The following TSKS variants were observed in gnomAD, a reference collection of about 807,000 sequenced individuals.
TSKS encodes testis specific serine kinase substrate, also known as testis-specific serine kinase substrate.
A neutral mutation model predicts 68.0 loss-of-function variants in TSKS; 27 were observed. That is an observed-to-expected ratio of 0.40 (90% CI 0.29 to 0.55). The LOEUF is 0.55. Among genes scored for constraint, TSKS ranks in the 20% least tolerant of loss-of-function variants. TSKS has a pLI of 0.53. For missense variants in TSKS, 806 were observed against 776.0 expected, an observed-to-expected ratio of 1.04 and a Z score of -0.46; for synonymous variants, 331 against 340.4, an observed-to-expected ratio of 0.97 and a Z score of 0.30.
chr19:49,743,500 T>C (rs890051496), intron 8 of TSKS, among the ~76,000 whole-genome samples: 37 of 139,436 alleles, frequency 2.7e-4, no homozygotes, highest in African/African-American at 5.4e-4. Context: ...TTTCTTTTTT[T>C]TTTTTTTTTT....
chr19:49,740,341 C>G, intron 9 of TSKS, 158 bp from the exon 10 acceptor site: 1 of 840,948 alleles, frequency 1.2e-6, no homozygotes, highest in Non-Finnish European at 1.8e-6. Context: ...ACCCCAGCAT[C>G]CCACAATGCA....
intron 7 of TSKS, 93 bp from the exon 8 acceptor site, chr19:49,744,497 C>T: frequency 2.2e-6 from 3 of 1,358,016 alleles, no homozygotes; most frequent in South Asian, 1.3e-5. Context: ...ACTTGCGTCT[C>T]CATCTGGTCA....
chr19:49,747,537 C>G, intron 4 of TSKS, 65 bp from the exon 5 acceptor site: 1 of 1,548,030 alleles, frequency 6.5e-7, no homozygotes, highest in East Asian at 2.2e-5. Flanking sequence ...AACCCTTAGC[C>G]TGTCTGTTTC....
At chr19:49,758,050 G>GTCTCTGGGTCTCTGTCCTCCTCTC (rs1201243348) in intron 2 of TSKS, among the ~76,000 whole-genome samples, 2 of 143,116 alleles carry the variant, frequency 1.4e-5, no homozygotes, top group Non-Finnish European at 3.0e-5. Context: ...GCCCCCCTCT[G>GTCTCTGGGTCTCTGTCCTCCTCTC]TCTCTGGGTC....
At chr19:49,751,548 T>C (rs1305402707) in intron 2 of TSKS, among the ~76,000 whole-genome samples, 2 of 151,888 alleles carry the variant, frequency 1.3e-5, no homozygotes, top group African/African-American at 4.8e-5. Context: ...CCCTGGAAAA[T>C]AACAGCCCAC....
chr19:49,745,416 G>A lies in TSKS; in HGVS notation c.993-20C>T, dbSNP rs551074108. ...TCTCTCCTGGAGGGGCAGAGGAGGG[G>A]AATGGGTAGGGGCTAGGCTTCAACA... is the stretch of plus-strand genomic sequence containing the variant. On this transcript the variant is annotated intron_variant, in intron 6 of 10. Transcript: ENST00000246801. 6.6e-7 allele frequency: 1 copy of A among 1,514,366 alleles called. No individual in the cohort carries two copies. The highest frequency in any genetic ancestry group is 8.8e-7 in the Non-Finnish European group (1 of 1,130,838). 93.8% of individuals were successfully genotyped at this position (1,514,366 alleles called of 1,614,324 possible). A position where few individuals can be genotyped will look rare whatever the true frequency, so the allele number is the denominator to read the frequency against.
intron 10 of TSKS, 53 bp downstream of exon 10, chr19:49,740,006 G>T (rs1001154944): frequency 8.9e-5 from 144 of 1,612,174 alleles, no homozygotes; most frequent in Non-Finnish European, 1.1e-4. Flanking sequence ...GGGAGATCAG[G>T]CCCTTTCCCC....
rs930184449 is a variant in TSKS at position 49,739,781 on chromosome 19, G to A, written c.1774C>T (p.Gln592Ter). The A allele has an allele frequency of 1.6e-5, 23 of 1,417,868 alleles. No homozygotes were observed. Among genetic ancestry groups the A allele is most frequent in the Non-Finnish European group, 1.9e-5 (19 of 1,008,722 alleles). 87.8% of individuals were successfully genotyped at this position (1,417,868 alleles called of 1,614,324 possible). A position where few individuals can be genotyped will look rare whatever the true frequency, so the allele number is the denominator to read the frequency against. ...PPKQGGSAPE[Q>*] ...ATGCTAGCATGAGAGGCCATTTATTGTTCAGGGGCTGAGCCCCCCTGTTTT... is the reference window on the plus strand; with the variant it reads ...ATGCTAGCATGAGAGGCCATTTATTATTCAGGGGCTGAGCCCCCCTGTTTT... Residue 592 changes from glutamine (Q) to a stop codon, truncating the protein, a stop_gained, in exon 11 of 11, where the codon CAA becomes TAA. Coordinates refer to ENST00000246801, the MANE Select transcript of TSKS (RefSeq NM_021733.2). LOFTEE classifies it high-confidence loss of function.
At chr19:49,748,013 C>G (rs2084317057) in intron 4 of TSKS, 72 bp downstream of exon 4, 3 of 1,448,126 alleles carry the variant, frequency 2.1e-6, no homozygotes, top group Admixed American at 3.4e-5. Context: ...CCAGCCTCCT[C>G]CCCTCTTTCT....
intron 2 of TSKS, among the ~76,000 whole-genome samples, chr19:49,749,305 C>A (rs1332157631): frequency 6.6e-6 from 1 of 152,200 alleles, no homozygotes; most frequent in African/African-American, 2.4e-5. Context: ...TCTTCCCAAG[C>A]ACTCAGCACA....
At chr19:49,745,180 A>G (rs555396455) in intron 7 of TSKS, 22 bp downstream of exon 7, 3 of 1,555,326 alleles carry the variant, frequency 1.9e-6, no homozygotes, top group African/African-American at 1.4e-5. Context: ...CGGTCTTCCC[A>G]TGCACTGGCC....
At chr19:49,740,395 A>G (rs1286214404) in intron 9 of TSKS, 2 of 596,854 alleles carry the variant, frequency 3.4e-6, no homozygotes, top group East Asian at 2.9e-5. Flanking sequence ...TGTCTGTCCT[A>G]TTGTCTGTCC....
chr19:49,745,454 C>A (rs980303437), intron 6 of TSKS, 58 bp from the exon 7 acceptor site: 1 of 1,363,216 alleles, frequency 7.3e-7, no homozygotes, highest in Admixed American at 2.5e-5. Flanking sequence ...TCCCCACCTA[C>A]CCCCACGAGA....
rs546660684 is a variant in TSKS, at chr19:49,747,257, G to A, written c.663+132C>T. 6 of 1,571,248 alleles carry A rather than the reference G, an allele frequency of 3.8e-6. No homozygotes were observed. In the African/African-American group the frequency reaches 4.0e-5, roughly 11 times the overall value. On this transcript the variant is annotated intron_variant, in intron 5 of 10. Coordinates refer to ENST00000246801, the MANE Select transcript of TSKS (RefSeq NM_021733.2). ...AATCCCTCTTATCAGCGAGTTCTAA[G>A]GATGACTATGTGCACGAAGGTGCAG...
intron 2 of TSKS, among the ~76,000 whole-genome samples, chr19:49,755,403 A>T (rs2084384640): frequency 6.6e-6 from 1 of 152,220 alleles, no homozygotes; most frequent in South Asian, 2.1e-4. Flanking sequence ...AACTCCAAAT[A>T]GGCTCCAGGG....
rs750133554 is a variant in TSKS, at chr19:49,739,905, T to C, written c.1650A>G (p.Leu550=). Residue 550 remains leucine (L), a synonymous_variant, in exon 11 of 11, where the codon CTA becomes CTG. Transcript: ENST00000246801. ...PEEKMATLDH[L]HLKMCSLHDH... ...CGTGGAGGGAGCACATCTTCAAGTG[T>C]AGATGGTCCAGAGTGGCCATCTTCT... The C allele has an allele frequency of 4.0e-5, 65 of 1,613,644 alleles. No homozygotes were observed. The highest frequency in any genetic ancestry group is 5.1e-5 in the Non-Finnish European group (60 of 1,179,828).
intron 2 of TSKS, among the ~76,000 whole-genome samples, chr19:49,755,999 T>C (rs1455855363): frequency 6.6e-6 from 1 of 151,406 alleles, no homozygotes; most frequent in African/African-American, 2.4e-5. Context: ...AGACTCCATC[T>C]CAAAAAAAAA....
Position 49,763,157 on chromosome 19 carries a change from G to C in TSKS, c.91C>G (p.Leu31Val). ...ACCCTCCGGGGAGCCTCTGGGACTA[G>C]CTGGGAGCAGCTCTCCACCCCCGTG... ...TPTGVESCSQ[L>V]VPEAPRRVTS... Residue 31 changes from leucine to valine, a missense_variant, in exon 1 of 11, where the codon CTA becomes GTA. By Grantham distance (32) the Leu-to-Val change is conservative. Coordinates refer to ENST00000246801, the MANE Select transcript of TSKS (RefSeq NM_021733.2). This position sits in a 1 kb window ranked among gnomAD's most constrained non-coding sequence, Gnocchi z 4.5. The C allele has an allele frequency of 6.2e-7, 1 of 1,608,666 alleles. No individual in the cohort carries two copies.
intron 2 of TSKS, among the ~76,000 whole-genome samples, chr19:49,760,879 C>G (rs970585749): frequency 6.6e-6 from 1 of 151,754 alleles, no homozygotes; most frequent in Non-Finnish European, 1.5e-5. Flanking sequence ...ACCTGAGGTC[C>G]GGAGTTCGAG....
Sources: gnomAD v4.1 joint callset for allele counts (sites outside exome capture counted in the v4.1 genomes callset) on GRCh38, gnomAD v4.1.1 for gene constraint, Gnocchi (gnomAD v3.1) non-coding constraint, MANE v1.5 for transcripts, NCBI Gene and HGNC (gene_info 2026-07-23, HGNC 2026-07-21) for gene names.